Variants in UGT8 observed in about 807,000 individuals in gnomAD.
UGT8 encodes UDP glycosyltransferase 8.
Under a neutral mutation model 40.5 loss-of-function variants are expected in UGT8, and 12 were observed. The observed-to-expected ratio is 0.30, with a 90% CI of 0.19 to 0.48. The LOEUF (loss-of-function observed/expected upper bound fraction) is 0.48, where lower values mean the gene tolerates loss of function less well. Among genes scored for constraint, UGT8 ranks in the 20% least tolerant of loss-of-function variants. The pLI is 0.99. For missense variants in UGT8, 513 were observed against 648.7 expected (o/e 0.79, Z 2.27); for synonymous variants, 224 against 240.4 (o/e 0.93, Z 0.63).
intron 1 of UGT8, among the ~76,000 whole-genome samples, chr4:114,603,709 C>T (rs2126083350): frequency 6.6e-6 from 1 of 152,190 alleles, no homozygotes; most frequent in African/African-American, 2.4e-5. Flanking sequence ...TTCATTTCCT[C>T]ATTTAGCAAA....
intron 4 of UGT8, 44 bp from the exon 5 acceptor site, chr4:114,668,041 G>T: frequency 1.3e-6 from 2 of 1,596,270 alleles, no homozygotes; most frequent in South Asian, 2.3e-5. Flanking sequence ...CTCTTCTGTA[G>T]AGTAATAATG....
At chr4:114,615,179 A>C (rs1453385270) in intron 1 of UGT8, among the ~76,000 whole-genome samples, 1 of 151,860 alleles carries the variant, frequency 6.6e-6, no homozygotes, top group African/African-American at 2.4e-5. Flanking sequence ...GAGTACATTA[A>C]TTTACTAGAT....
intron 5 of UGT8, among the ~76,000 whole-genome samples, chr4:114,670,691 A>G (rs1190564286): frequency 6.6e-6 from 1 of 152,132 alleles, no homozygotes; most frequent in African/African-American, 2.4e-5. Context: ...ATTTATGACA[A>G]ACCTACAGCC....
rs1731381676 is a variant in UGT8 at position 114,615,843 on chromosome 4, G to T, written c.-2-7036G>T. ...AGAAAAATTGTCTTTCGTCTTTTTGGCTATATGCCAAACTGAAGTACTCCA... is the reference window on the plus strand; with the variant it reads ...AGAAAAATTGTCTTTCGTCTTTTTGTCTATATGCCAAACTGAAGTACTCCA... On this transcript the variant is annotated intron_variant, in intron 1 of 5. Coordinates refer to ENST00000310836, the MANE Select transcript of UGT8 (RefSeq NM_001128174.3). Among the ~76,000 whole-genome samples, 3 of 152,110 alleles carry T rather than the reference G, an allele frequency of 2.0e-5. No individual in the cohort carries two copies. In the South Asian group the frequency reaches 6.2e-4, roughly 32 times the overall value.
At position 114,641,979 on chromosome 4, in the gene UGT8, G is replaced by A. The variant is rs140475332; in HGVS notation, c.822+18277G>A. 6.6e-5 allele frequency among the ~76,000 whole-genome samples: 10 copies of A among 152,264 alleles called. No homozygotes were observed. The East Asian group carries it at 1.7e-3, about 26-fold the overall frequency. ...CAAGATGACATGCAATAGTTTATAA[G>A]TTGGAAATTTACATTAAAGGGATAT... is the stretch of plus-strand genomic sequence containing the variant. On this transcript the variant is annotated intron_variant, in intron 2 of 5. Coordinates refer to ENST00000310836, the MANE Select transcript of UGT8 (RefSeq NM_001128174.3).
At chr4:114,627,749 GCCTAC>G (rs1323306392) in intron 2 of UGT8, among the ~76,000 whole-genome samples, 2 of 152,114 alleles carry the variant, frequency 1.3e-5, no homozygotes, top group Non-Finnish European at 2.9e-5. Flanking sequence ...GGCTGAAATG[GCCTAC>G]GCTGCCAGGC....
chr4:114,640,535 C>T (rs932150562), intron 2 of UGT8, among the ~76,000 whole-genome samples: 1 of 151,944 alleles, frequency 6.6e-6, no homozygotes, highest in Non-Finnish European at 1.5e-5. Flanking sequence ...AAGACATATG[C>T]TAGGAGATCT....
At chr4:114,616,916 T>C (rs943856972) in intron 1 of UGT8, among the ~76,000 whole-genome samples, 6 of 152,142 alleles carry the variant, frequency 3.9e-5, no homozygotes, top group Non-Finnish European at 7.4e-5. Flanking sequence ...ACAGAAGCAT[T>C]GTAGCTAATC....
intron 1 of UGT8, among the ~76,000 whole-genome samples, chr4:114,618,831 C>G (rs1222004245): frequency 6.6e-6 from 1 of 151,960 alleles, no homozygotes; most frequent in Non-Finnish European, 1.5e-5. Flanking sequence ...TTTTATTTTT[C>G]AAATATAAAG....
At position 114,665,698 on chromosome 4, in the gene UGT8, A is replaced by G; in HGVS notation, c.984A>G (p.Pro328=). Residue 328 remains proline, a synonymous_variant, in exon 4 of 6, where the codon CCA becomes CCG. Coordinates refer to ENST00000310836, the MANE Select transcript of UGT8 (RefSeq NM_001128174.3). The stretch of plus-strand genomic sequence containing the variant: ...ATTTTAGGTTTTCTGGACCCAAACC[A>G]AAGAATCTAGGAAACAACACTAAAC... ...KVIWRFSGPK[P]KNLGNNTKLI... The G allele has an allele frequency of 6.2e-7, 1 of 1,607,424 alleles. No individual in the cohort carries two copies. The highest frequency in any genetic ancestry group is 8.5e-7 in the Non-Finnish European group (1 of 1,177,364).
intron 2 of UGT8, among the ~76,000 whole-genome samples, chr4:114,634,574 G>A (rs1028157538): frequency 1.3e-5 from 2 of 151,326 alleles, no homozygotes; most frequent in African/African-American, 2.4e-5. Flanking sequence ...GAGTTAGTTG[G>A]GTATGTATAC....
At chr4:114,630,177 A>G (rs1346080801) in intron 2 of UGT8, among the ~76,000 whole-genome samples, 1 of 152,182 alleles carries the variant, frequency 6.6e-6, no homozygotes, top group African/African-American at 2.4e-5. Context: ...AAGACAAACT[A>G]CCTATTTTCT....
At chr4:114,619,149 A>C (rs1268579539) in intron 1 of UGT8, among the ~76,000 whole-genome samples, 1 of 152,126 alleles carries the variant, frequency 6.6e-6, no homozygotes, top group Non-Finnish European at 1.5e-5. Flanking sequence ...AAACCCAACA[A>C]TCATCCAGTG....
At chr4:114,607,435 G>T (rs977644780) in intron 1 of UGT8, among the ~76,000 whole-genome samples, 3 of 152,038 alleles carry the variant, frequency 2.0e-5, no homozygotes, top group Non-Finnish European at 1.5e-5. Flanking sequence ...TTTCTCATCT[G>T]TAATGGTAAC....
chr4:114,644,306 A>T (rs1051105763), intron 2 of UGT8, among the ~76,000 whole-genome samples: 52 of 152,170 alleles, frequency 3.4e-4, no homozygotes, highest in African/African-American at 1.3e-3. Flanking sequence ...TAATAACCAG[A>T]TTAGGAATAT....
intron 4 of UGT8, chr4:114,667,798 G>T (rs1734982085): frequency 1.2e-5 from 8 of 680,518 alleles, no homozygotes; most frequent in South Asian, 1.3e-4. Flanking sequence ...AATAATTATT[G>T]GCCATTTAAA....
intron 3 of UGT8, among the ~76,000 whole-genome samples, chr4:114,665,224 C>T (rs941582625): frequency 2.6e-5 from 4 of 152,150 alleles, no homozygotes; most frequent in Non-Finnish European, 5.9e-5. Context: ...AAGAAGAGAA[C>T]TTACTGATTT....
intron 2 of UGT8, among the ~76,000 whole-genome samples, chr4:114,633,581 A>G (rs921188526): frequency 6.6e-6 from 1 of 152,198 alleles, no homozygotes. Flanking sequence ...AGCCTTGTTC[A>G]CTGTCCAAGG....
chr4:114,646,475 C>A (rs1733579339), intron 2 of UGT8, among the ~76,000 whole-genome samples: 1 of 151,942 alleles, frequency 6.6e-6, no homozygotes, highest in African/African-American at 2.4e-5. Context: ...TGATAATAAT[C>A]ATCAAGAGTA....
Sources: gnomAD v4.1 joint callset for allele counts (sites outside exome capture counted in the v4.1 genomes callset) on GRCh38, gnomAD v4.1.1 for gene constraint, MANE v1.5 for transcripts, NCBI Gene and HGNC (gene_info 2026-07-23, HGNC 2026-07-21) for gene names.